The following ADRA1A variants were observed in gnomAD, a reference collection of about 807,000 sequenced individuals.
ADRA1A encodes the protein alpha-1A adrenergic receptor.
A neutral mutation model predicts 29.6 loss-of-function variants in ADRA1A; 31 were observed. The ratio of observed to expected loss-of-function variants is 1.05; its 90% confidence interval spans 0.79 to 1.41. The LOEUF (loss-of-function observed/expected upper bound fraction) is 1.41. Among genes scored for constraint, ADRA1A ranks in the 40% most tolerant of loss-of-function variants. The pLI is 0.00. For synonymous variants in ADRA1A, 311 were observed against 254.3 expected, an observed-to-expected ratio of 1.22 and a Z score of -2.12; for missense variants, 619 against 601.1, an observed-to-expected ratio of 1.03 and a Z score of -0.31.
At position 26,770,155 on chromosome 8, in the gene ADRA1A, T is replaced by C. The variant is rs2229126; in HGVS notation, c.1395A>G (p.Glu465=). Residue 465 remains glutamate (E), a synonymous_variant, in exon 3 of 3, where the codon GAA becomes GAG. Transcript: ENST00000380573. ...CCTCTGCATCTTTCCTGTCCTAGAC[T>C]TCCTCCCCGTTCTCACTGAGGGAGA... is the stretch of plus-strand genomic sequence containing the variant. ...HTISLSENGE[E]V 1.4e-5 allele frequency: 21 copies of C among 1,547,220 alleles called. No homozygotes were observed. Among genetic ancestry groups the C allele is most frequent in the Non-Finnish European group, 1.8e-5 (21 of 1,146,706 alleles).
chr8:26,854,435 G>GCCCCCCCCCCCC, intron 2 of ADRA1A: 1 of 92,872 alleles, frequency 1.1e-5, no homozygotes, highest in African/African-American at 4.1e-5. Flanking sequence ...GGGGGGGGGA[G>GCCCCCCCCCCCC]CAGGCAGAGG....
downstream of ADRA1A, chr8:26,768,686 T>C (rs1805926307): frequency 1.3e-5 from 2 of 159,938 alleles, no homozygotes; most frequent in Admixed American, 6.5e-5. Context: ...ATTTTGTGTT[T>C]AGACTTGGGT....
chr8:26,845,415 C>T (rs1296234626), intron 2 of ADRA1A, among the ~76,000 whole-genome samples: 2 of 152,146 alleles, frequency 1.3e-5, no homozygotes, highest in East Asian at 3.8e-4. Context: ...CTAGGATGGA[C>T]ATCATTTTAA....
intron 2 of ADRA1A, among the ~76,000 whole-genome samples, chr8:26,749,997 GCTGCTGTAACAAAATAA>G (rs1409777421): frequency 6.6e-6 from 1 of 152,158 alleles, no homozygotes; most frequent in African/African-American, 2.4e-5. Flanking sequence ...GTTCATTTGG[GCTGCTGTAACAAAATAA>G]CATAAATAGG....
chr8:26,752,526 C>T (rs1804965983), downstream of ADRA1A, among the ~76,000 whole-genome samples: 1 of 152,206 alleles, frequency 6.6e-6, no homozygotes, highest in South Asian at 2.1e-4. Context: ...AAGCTTCAAG[C>T]TTGCTTATCT....
downstream of ADRA1A, among the ~76,000 whole-genome samples, chr8:26,753,031 C>A (rs1236961697): frequency 3.3e-5 from 5 of 152,244 alleles, no homozygotes; most frequent in African/African-American, 9.6e-5. Flanking sequence ...TAACAGCTGC[C>A]AGACAATCTG....
rs770294158 is a variant in ADRA1A, at chr8:26,774,421, C to A, written c.884-3755G>T. 2.6e-5 allele frequency among the ~76,000 whole-genome samples: 4 copies of A among 152,166 alleles called. 1 individual carries two copies. The highest frequency in any genetic ancestry group is 4.1e-4 in the South Asian group (2 of 4,826). ...TGGTGGCTCACGCCTGTAATCACTG[C>A]ACTTTGGGAGGCCAAGGTGGGCAGA... is the stretch of plus-strand genomic sequence containing the variant. On this transcript the variant is annotated intron_variant, in intron 2 of 2. Transcript: ENST00000380573.
intron 2 of ADRA1A, among the ~76,000 whole-genome samples, chr8:26,749,123 T>C (rs1162215640): frequency 6.6e-6 from 1 of 152,214 alleles, no homozygotes; most frequent in African/African-American, 2.4e-5. Flanking sequence ...AACACACTCA[T>C]GGCCCCTAAA....
At chr8:26,844,605 G>A (rs1237309073) in intron 2 of ADRA1A, among the ~76,000 whole-genome samples, 3 of 152,096 alleles carry the variant, frequency 2.0e-5, no homozygotes, top group African/African-American at 7.2e-5. Flanking sequence ...ATTTCGACAA[G>A]GGTGCCAAGA....
At chr8:26,779,299 A>T in intron 2 of ADRA1A, 1 of 702,642 alleles carries the variant, frequency 1.4e-6, no homozygotes. Flanking sequence ...CAAACCCCAC[A>T]GGTGTCTTTC....
chr8:26,859,049 GTCCCTAT>G, intron 2 of ADRA1A: 1 of 1,269,922 alleles, frequency 7.9e-7, no homozygotes, highest in African/African-American at 1.5e-5. Flanking sequence ...TCCTGGGTCA[GTCCCTAT>G]TAAACATGGG....
chr8:26,822,410 G>T (rs1171756337), intron 2 of ADRA1A, among the ~76,000 whole-genome samples: 2 of 152,166 alleles, frequency 1.3e-5, no homozygotes, highest in Non-Finnish European at 2.9e-5. Context: ...ATGTGGCCAG[G>T]ATCATTGAGG....
intron 2 of ADRA1A, among the ~76,000 whole-genome samples, chr8:26,749,475 T>A (rs1804831111): frequency 6.6e-6 from 1 of 152,254 alleles, no homozygotes; most frequent in South Asian, 2.1e-4. Context: ...TTCACTAATG[T>A]GGTCAAAGAT....
Position 26,864,813 on chromosome 8 carries a change from A to G in ADRA1A, c.157T>C (p.Cys53Arg). 3 of 1,614,104 alleles carry G rather than the reference A, an allele frequency of 1.9e-6. No homozygotes were observed. Among genetic ancestry groups the G allele is most frequent in the Non-Finnish European group, 2.5e-6 (3 of 1,180,008 alleles). Residue 53 changes from cysteine to arginine, a missense_variant, in exon 2 of 3, where the codon TGT (cysteine) becomes CGT (arginine). By Grantham distance (180) the Cys-to-Arg change is radical (BLOSUM62 -3). Transcript: ENST00000380573. The surrounding 1 kb of genome is among the most constrained non-coding windows in gnomAD (Gnocchi z 8.1). ...GNILVILSVA[C>R]HRHLHSVTHY... is the part of the protein sequence containing the mutation. ...GTGACTGAGTGCAGGTGTCGGTGAC[A>G]GGCTACGGAGAGGATCACTAGGATG...
At chr8:26,816,207 G>T (rs746062455) in intron 2 of ADRA1A, among the ~76,000 whole-genome samples, 3 of 152,170 alleles carry the variant, frequency 2.0e-5, no homozygotes, top group African/African-American at 4.8e-5. Context: ...TTAAATTGGT[G>T]TGGGAAGGAC....
chr8:26,784,789 C>A (rs758651376), intron 2 of ADRA1A, among the ~76,000 whole-genome samples: 3 of 152,090 alleles, frequency 2.0e-5, no homozygotes, highest in Non-Finnish European at 4.4e-5. Flanking sequence ...AAGAAGGCTG[C>A]TAGGGAGACC....
intron 2 of ADRA1A, among the ~76,000 whole-genome samples, chr8:26,833,210 C>A (rs1327699506): frequency 6.6e-6 from 1 of 152,086 alleles, no homozygotes; most frequent in Non-Finnish European, 1.5e-5. Context: ...GGGAAACAGA[C>A]AAGACTCTCA....
At position 26,860,428 on chromosome 8, in the gene ADRA1A, C is replaced by T. The variant is rs1242612464; in HGVS notation, c.883+3659G>A. Reference sequence around the variant, plus strand: ...GGTCCTCAGCATTGCCTCCTGTATCCCTCAGCTGCTTAGCTCTTAGAGAAA... The same window carrying T: ...GGTCCTCAGCATTGCCTCCTGTATCTCTCAGCTGCTTAGCTCTTAGAGAAA... On this transcript the variant is annotated intron_variant, in intron 2 of 2. Coordinates refer to ENST00000380573, the MANE Select transcript of ADRA1A (RefSeq NM_000680.4). The surrounding 1 kb of genome is among the most constrained non-coding windows in gnomAD (Gnocchi z 4.7). Among the ~76,000 whole-genome samples the T allele has an allele frequency of 2.6e-5, 4 of 152,162 alleles. No homozygotes were observed. The East Asian group carries it at 7.7e-4, about 29-fold the overall frequency.
chr8:26,811,768 A>G (rs978450857), intron 2 of ADRA1A, among the ~76,000 whole-genome samples: 1 of 152,108 alleles, frequency 6.6e-6, no homozygotes, highest in African/African-American at 2.4e-5. Context: ...AACTATTCCA[A>G]TCTCTGACAC....
Sources: gnomAD v4.1 joint callset for allele counts (sites outside exome capture counted in the v4.1 genomes callset) on GRCh38, gnomAD v4.1.1 for gene constraint, Gnocchi (gnomAD v3.1) non-coding constraint, MANE v1.5 for transcripts, NCBI Gene and HGNC (gene_info 2026-07-23, HGNC 2026-07-21) for gene names.